UST: variants seen among roughly 807,000 people sequenced by gnomAD.
UST encodes uronyl 2-sulfotransferase.
Under a neutral mutation model 45.6 loss-of-function variants are expected in UST, and 21 were observed. The observed-to-expected ratio is 0.46, with a 90% CI of 0.33 to 0.66. UST has a LOEUF of 0.66. UST is among the 30% of genes least tolerant of loss of function. UST has a pLI of 0.02. For synonymous variants in UST, 215 were observed against 200.6 expected (o/e 1.07, Z -0.61); for missense variants, 463 against 512.4 (o/e 0.90, Z 0.93).
At chr6:149,021,544 G>T in intron 7 of UST, 63 bp downstream of exon 7, 1 of 1,562,444 alleles carries the variant, frequency 6.4e-7, no homozygotes, top group South Asian at 1.1e-5. Flanking sequence ...TACTCACCTT[G>T]AAAAGGCCTC....
chr6:148,973,877 T>C (rs1404786620), intron 5 of UST, among the ~76,000 whole-genome samples: 4 of 152,202 alleles, frequency 2.6e-5, no homozygotes, highest in Non-Finnish European at 5.9e-5. Flanking sequence ...TGCGAGTACT[T>C]ATGAAAATGT....
At chr6:148,916,683 A>G (rs544098363) in intron 2 of UST, among the ~76,000 whole-genome samples, 33 of 152,162 alleles carry the variant, frequency 2.2e-4, no homozygotes, top group African/African-American at 7.0e-4. Flanking sequence ...CTTGTGGGAG[A>G]TGCCTCAGCC....
chr6:149,058,460 A>G (rs1416391890), intron 7 of UST, among the ~76,000 whole-genome samples: 1 of 152,074 alleles, frequency 6.6e-6, no homozygotes, highest in Admixed American at 6.6e-5. Flanking sequence ...AATGCCACAC[A>G]GACTATGAGG....
intron 7 of UST, among the ~76,000 whole-genome samples, chr6:149,058,656 A>G (rs1400001444): frequency 6.6e-6 from 1 of 152,250 alleles, no homozygotes; most frequent in Non-Finnish European, 1.5e-5. Context: ...TTTCAAATAA[A>G]GTAACAAACG....
At chr6:148,775,776 C>T (rs1242424195) in intron 1 of UST, among the ~76,000 whole-genome samples, 2 of 151,902 alleles carry the variant, frequency 1.3e-5, no homozygotes, top group Non-Finnish European at 2.9e-5. Context: ...CACAGGCACA[C>T]GCCTCCATGC....
chr6:148,827,068 C>A (rs1777582797), intron 1 of UST, among the ~76,000 whole-genome samples: 1 of 152,088 alleles, frequency 6.6e-6, no homozygotes, highest in South Asian at 2.1e-4. Context: ...ATTCTACCTA[C>A]CAATAAATAA....
chr6:148,885,833 C>T (rs1778901552), intron 1 of UST, among the ~76,000 whole-genome samples: 2 of 152,214 alleles, frequency 1.3e-5, no homozygotes, highest in South Asian at 4.1e-4. Context: ...GTCAAAAGCA[C>T]CTTTCATCCA....
At chr6:148,751,536 C>T (rs563198016) in intron 1 of UST, among the ~76,000 whole-genome samples, 1 of 152,256 alleles carries the variant, frequency 6.6e-6, no homozygotes, top group South Asian at 2.1e-4. Flanking sequence ...GTATGTTCTA[C>T]TTAGAGAATG....
At position 148,977,862 on chromosome 6, in the gene UST, A is replaced by C. The variant is rs958992336; in HGVS notation, c.681+13299A>C. ...GTGTGTTGGGTTTACTTTGAGCTTT[A>C]GATTAAGGTAGGGAGGATTGACGTC... On this transcript the variant is annotated intron_variant, in intron 5 of 7. Transcript: ENST00000367463. 5.3e-5 allele frequency among the ~76,000 whole-genome samples: 8 copies of C among 151,736 alleles called. 1 individual carries two copies. Among genetic ancestry groups the C allele is most frequent in the African/African-American group, 1.9e-4 (8 of 41,290 alleles).
intron 1 of UST, among the ~76,000 whole-genome samples, chr6:148,813,504 C>G (rs1325390745): frequency 1.3e-5 from 2 of 152,008 alleles, no homozygotes; most frequent in Non-Finnish European, 2.9e-5. Context: ...GCGTCAGCCT[C>G]CCGAGTAGCT....
At chr6:149,029,473 AT>A (rs1371367509) in intron 7 of UST, among the ~76,000 whole-genome samples, 1 of 145,478 alleles carries the variant, frequency 6.9e-6, no homozygotes, top group African/African-American at 2.5e-5. Flanking sequence ...TATTATATAT[AT>A]AATGTATATA....
rs1421759267 is a variant in UST at position 149,049,929 on chromosome 6, TCTCA to T, written c.938-23902_938-23899del. On this transcript the variant is annotated intron_variant, in intron 7 of 7. Transcript: ENST00000367463. ...CCTTGTCTCTCTCTCTCTCTCTCTC[TCTCA>T]CACACACACACACACACACACACAC... 5.4e-4 allele frequency among the ~76,000 whole-genome samples: 70 copies of T among 129,814 alleles called. 1 individual carries two copies. Among genetic ancestry groups the T allele is most frequent in the South Asian group, 8.1e-4 (3 of 3,714 alleles). The allele number at this position is 129,814 out of a possible 152,430, so 85.2% of individuals were successfully genotyped here. A position where few individuals can be genotyped will look rare whatever the true frequency, so the allele number is the denominator to read the frequency against.
At chr6:148,866,264 A>G (rs759598708) in intron 1 of UST, among the ~76,000 whole-genome samples, 3 of 149,554 alleles carry the variant, frequency 2.0e-5, no homozygotes, top group Non-Finnish European at 4.4e-5. Flanking sequence ...TCGTTTATTT[A>G]TTTGAAAGAC....
At chr6:149,033,222 T>A (rs1776182468) in intron 7 of UST, among the ~76,000 whole-genome samples, 1 of 152,250 alleles carries the variant, frequency 6.6e-6, no homozygotes, top group Non-Finnish European at 1.5e-5. Context: ...ATTTCAAAAC[T>A]GTCTTTGGGC....
intron 2 of UST, among the ~76,000 whole-genome samples, chr6:148,913,350 T>C (rs1421161924): frequency 6.6e-6 from 1 of 151,384 alleles, no homozygotes; most frequent in Non-Finnish European, 1.5e-5. Context: ...ACAGGACTCA[T>C]TTCCAGGACT....
intron 2 of UST, among the ~76,000 whole-genome samples, chr6:148,926,863 A>G (rs917039731): frequency 4.6e-5 from 7 of 152,148 alleles, no homozygotes; most frequent in Non-Finnish European, 1.0e-4. Context: ...AGGAAAGTAG[A>G]TATTAGGTAA....
chr6:148,966,059 A>G (rs973252651), intron 5 of UST, among the ~76,000 whole-genome samples: 10 of 151,800 alleles, frequency 6.6e-5, no homozygotes, highest in African/African-American at 2.4e-4. Context: ...ACCTGTCTTT[A>G]TTAAAAATAC....
chr6:148,798,882 T>TTA (rs1777001136), intron 1 of UST, among the ~76,000 whole-genome samples: 1 of 141,600 alleles, frequency 7.1e-6, no homozygotes, highest in African/African-American at 2.6e-5. Flanking sequence ...ATTTATTTAT[T>TTA]TATTTGAGAT....
intron 1 of UST, among the ~76,000 whole-genome samples, chr6:148,852,959 T>G (rs1308888555): frequency 6.6e-6 from 1 of 152,152 alleles, no homozygotes; most frequent in Non-Finnish European, 1.5e-5. Context: ...CTTGTCTTCT[T>G]TTCTTTTCTT....
Sources: allele counts gnomAD v4.1 joint callset (sites outside exome capture counted in the v4.1 genomes callset), GRCh38; gene constraint gnomAD v4.1.1; transcripts MANE v1.5; gene names NCBI Gene and HGNC (gene_info 2026-07-23, HGNC 2026-07-21).